TANK: variants seen among roughly 807,000 people sequenced by gnomAD.
TANK encodes TRAF family member-associated NF-kappa-B activator.
In TANK, 15 loss-of-function variants were observed where a neutral mutation model predicts 43.6. That is an observed-to-expected ratio of 0.34 (90% confidence interval 0.23 to 0.53). The LOEUF (loss-of-function observed/expected upper bound fraction) is 0.53, where lower values mean the gene tolerates loss of function less well. Ranked by LOEUF, TANK falls within the 20% of genes least tolerant of loss-of-function variation. The probability of loss-of-function intolerance (pLI) is 0.94; values close to 1 mark genes in which losing one functional copy is unlikely to be tolerated. For missense variants in TANK, 417 were observed against 498.6 expected, an observed-to-expected ratio of 0.84 and a Z score of 1.56; for synonymous variants, 162 against 178.2, an observed-to-expected ratio of 0.91 and a Z score of 0.73.
intron 2 of TANK, among the ~76,000 whole-genome samples, chr2:161,192,223 T>C (rs1685949315): frequency 6.6e-6 from 1 of 152,206 alleles, no homozygotes; most frequent in South Asian, 2.1e-4. Flanking sequence ...CACTGCTACT[T>C]GGAAGGCATA....
Position 161,150,904 on chromosome 2 carries a change from T to C in TANK, c.-50+13841T>C, listed in dbSNP as rs376253533. Among the ~76,000 whole-genome samples the C allele has an allele frequency of 1.5e-3, 227 of 152,314 alleles. No individual in the cohort carries two copies. In the Middle Eastern group the frequency reaches 0.02, roughly 14 times the overall value. ...GCATGCCCAACTCTCACATCTTTTT[T>C]AATATGAACATTTACTGCTATTAAT... is the stretch of plus-strand genomic sequence containing the variant. On this transcript the variant is annotated intron_variant, in intron 1 of 7. Transcript: ENST00000259075.
intron 1 of TANK, among the ~76,000 whole-genome samples, chr2:161,172,238 C>T (rs1684971345): frequency 6.6e-6 from 1 of 151,972 alleles, no homozygotes; most frequent in African/African-American, 2.4e-5. Flanking sequence ...TGGGCCTGTC[C>T]TCTTTTTTGG....
chr2:161,188,513 G>A (rs1685768512), intron 2 of TANK, among the ~76,000 whole-genome samples: 1 of 152,154 alleles, frequency 6.6e-6, no homozygotes, highest in Non-Finnish European at 1.5e-5. Context: ...TACCTAGTAA[G>A]GAGATTGAAT....
chr2:161,230,879 AAAAAT>A, intron 6 of TANK, 87 bp from the exon 7 acceptor site: 1 of 1,027,664 alleles, frequency 9.7e-7, no homozygotes, highest in Non-Finnish European at 1.4e-6. Context: ...AACCAATAGA[AAAAAT>A]AATAATAATC....
chr2:161,217,585 T>TTGTGAGTG (rs759936834), intron 4 of TANK, among the ~76,000 whole-genome samples: 16 of 136,556 alleles, frequency 1.2e-4, no homozygotes, highest in African/African-American at 4.4e-4. Context: ...GGTAGTTGGT[T>TTGTGAGTG]TGTGTGTGTG....
chr2:161,179,531 T>G (rs1391088989), intron 1 of TANK, 83 bp from the exon 2 acceptor site: 2 of 1,275,484 alleles, frequency 1.6e-6, no homozygotes, highest in East Asian at 5.3e-5. Flanking sequence ...TGGTAAACCT[T>G]ATAGAACTAT....
At position 161,231,126 on chromosome 2, in the gene TANK, T is replaced by G. The variant is rs769430273; in HGVS notation, c.676T>G (p.Phe226Val). ...GLCRDEEDTS[F>V]ESLSKFNVKF... ...GTGCAGAGATGAGGAAGACACCTCT[T>G]TTGAATCACTTTCTAAATTCAATGT... Residue 226 changes from phenylalanine (F) to valine (V), a missense_variant, in exon 7 of 8, where the codon TTT becomes GTT. Coordinates refer to ENST00000392749, the MANE Select transcript of TANK (RefSeq NM_001199135.3). 4.3e-6 allele frequency: 7 copies of G among 1,613,964 alleles called. No individual in the cohort carries two copies. The highest frequency in any genetic ancestry group is 5.1e-6 in the Non-Finnish European group (6 of 1,180,006).
intron 2 of TANK, among the ~76,000 whole-genome samples, chr2:161,195,063 C>A (rs543390698): frequency 6.6e-6 from 1 of 152,266 alleles, no homozygotes; most frequent in Admixed American, 6.5e-5. Flanking sequence ...ATATTTGTAT[C>A]CTTTCTTCCA....
intron 4 of TANK, among the ~76,000 whole-genome samples, chr2:161,216,026 CA>C (rs1687101813): frequency 1.3e-5 from 2 of 152,112 alleles, no homozygotes; most frequent in South Asian, 4.1e-4. Context: ...CTTTTGGAAA[CA>C]AATAATTCTA....
At chr2:161,158,247 A>G (rs1378269571), upstream of TANK, among the ~76,000 whole-genome samples, 1 of 152,222 alleles carries the variant, frequency 6.6e-6, no homozygotes. Context: ...CTTGAGGTAT[A>G]TAATAATATG....
chr2:161,189,903 A>C (rs1685835678), intron 2 of TANK, among the ~76,000 whole-genome samples: 1 of 152,174 alleles, frequency 6.6e-6, no homozygotes, highest in Non-Finnish European at 1.5e-5. Flanking sequence ...TTAGGGGGAA[A>C]GGTTTATGAC....
At chr2:161,221,790 G>C (rs1279829418) in intron 4 of TANK, among the ~76,000 whole-genome samples, 1 of 151,694 alleles carries the variant, frequency 6.6e-6, no homozygotes, top group Non-Finnish European at 1.5e-5. Flanking sequence ...AATGATAAAA[G>C]GTGCAGTGTA....
At chr2:161,231,690 C>G in intron 7 of TANK, 139 bp downstream of exon 7, 1 of 750,624 alleles carries the variant, frequency 1.3e-6, no homozygotes. Context: ...TTCAAAAAAA[C>G]AAGTCCCATA....
intron 4 of TANK, among the ~76,000 whole-genome samples, chr2:161,220,569 C>T (rs1425202010): frequency 6.6e-6 from 1 of 152,064 alleles, no homozygotes; most frequent in South Asian, 2.1e-4. Context: ...CGCCACTGCA[C>T]TCCAGCCAGG....
intron 1 of TANK, chr2:161,162,790 G>A (rs935133262): frequency 6.6e-6 from 1 of 152,084 alleles, no homozygotes. Context: ...GTATTAGATA[G>A]CACTTTGAGA....
chr2:161,196,702 A>G (rs1686167002), intron 2 of TANK, among the ~76,000 whole-genome samples: 1 of 152,132 alleles, frequency 6.6e-6, no homozygotes, highest in South Asian at 2.1e-4. Context: ...TAAAAATATA[A>G]AAATTAGCCA....
chr2:161,151,983 TAAC>T (rs1348221992), intron 1 of TANK, among the ~76,000 whole-genome samples: 1 of 152,154 alleles, frequency 6.6e-6, no homozygotes, highest in Non-Finnish European at 1.5e-5. Context: ...GAGTTACAAT[TAAC>T]AACCTAAATT....
At chr2:161,208,277 C>A (rs1161906413) in intron 4 of TANK, 1 of 921,890 alleles carries the variant, frequency 1.1e-6, no homozygotes, top group Non-Finnish European at 1.3e-6. Flanking sequence ...ACTTAAGAAA[C>A]ATGAAATTTA....
At chr2:161,220,863 T>G (rs192875973) in intron 4 of TANK, among the ~76,000 whole-genome samples, 77 of 152,330 alleles carry the variant, frequency 5.1e-4, no homozygotes, top group African/African-American at 1.7e-3. Context: ...CATTTTTGAT[T>G]ATTTTTGCAT....
Sources: gnomAD v4.1 joint callset for allele counts (sites outside exome capture counted in the v4.1 genomes callset) on GRCh38, gnomAD v4.1.1 for gene constraint, MANE v1.5 for transcripts, NCBI Gene and HGNC (gene_info 2026-07-23, HGNC 2026-07-21) for gene names.